BST1: variants seen among roughly 807,000 people sequenced by gnomAD.
BST1 encodes ADP-ribosyl cyclase/cyclic ADP-ribose hydrolase 2.
In BST1, 49 loss-of-function variants were observed where a neutral mutation model predicts 40.6. The observed-to-expected ratio is 1.21, with a 90% confidence interval of 0.96 to 1.53. BST1 has a LOEUF of 1.53. Among genes scored for constraint, BST1 ranks in the 40% most tolerant of loss-of-function variants. The probability of loss-of-function intolerance (pLI) is 0.00; values close to 1 mark genes in which losing one functional copy is unlikely to be tolerated. For missense variants in BST1, 423 were observed against 395.9 expected (o/e 1.07, Z -0.58); for synonymous variants, 157 against 159.3 (o/e 0.99, Z 0.11).
the BST1 span, among the ~76,000 whole-genome samples, chr4:15,748,176 T>C: frequency 3.3e-5 from 5 of 152,262 alleles, no homozygotes; most frequent in Non-Finnish European, 7.3e-5. Context: ...ACCATTCTCA[T>C]GCGTGCTTTC....
intron 8 of BST1, chr4:15,731,114 C>T (rs1161375118): frequency 4.7e-6 from 2 of 428,446 alleles, no homozygotes; most frequent in Admixed American, 2.9e-5. Context: ...GTCCTTTTCA[C>T]GTGGCCAACA....
At position 15,718,916 on chromosome 4, in the gene BST1, C is replaced by G. The variant is rs146288579; in HGVS notation, c.714C>G (p.Cys238Trp). The G allele has an allele frequency of 2.5e-6, 4 of 1,613,494 alleles. No homozygotes were observed. The highest frequency in any genetic ancestry group is 2.5e-6 in the Non-Finnish European group (3 of 1,179,684). Residue 238 changes from cysteine (C) to tryptophan (W), a missense_variant, in exon 7 of 9, where the codon TGC becomes TGG. Physicochemically the swap from Cys to Trp is radical, Grantham distance 215. Coordinates refer to ENST00000265016, the MANE Select transcript of BST1 (RefSeq NM_004334.3). ...HEIGGPNVES[C>W]GEGSMKVLEK... The stretch of plus-strand genomic sequence containing the variant: ...TATTTTCATGTTTTAGGGAATCCTG[C>G]GGGGAAGGCAGCATGAAAGTCCTGG...
the BST1 span, among the ~76,000 whole-genome samples, chr4:15,750,388 C>T: frequency 6.6e-6 from 1 of 152,184 alleles, no homozygotes; most frequent in Non-Finnish European, 1.5e-5. Flanking sequence ...CTGGGCCTGG[C>T]TTATTTCACT....
intron 2 of BST1, among the ~76,000 whole-genome samples, chr4:15,707,103 G>A (rs1281517011): frequency 6.6e-6 from 1 of 152,218 alleles, no homozygotes; most frequent in Non-Finnish European, 1.5e-5. Flanking sequence ...AGCTCTGGAA[G>A]AAGAGAAAGG....
downstream of BST1, among the ~76,000 whole-genome samples, chr4:15,742,539 T>A (rs1721771328): frequency 6.6e-6 from 1 of 152,248 alleles, no homozygotes; most frequent in Non-Finnish European, 1.5e-5. Context: ...CTTTTCTTTA[T>A]AAACTGCTCA....
downstream of BST1, among the ~76,000 whole-genome samples, chr4:15,739,949 CAGAG>C (rs925370044): frequency 6.6e-6 from 1 of 151,018 alleles, no homozygotes; most frequent in African/African-American, 2.4e-5. Flanking sequence ...GACAGAGAAA[CAGAG>C]AGAGACAGAG....
intron 1 of BST1, among the ~76,000 whole-genome samples, chr4:15,703,635 T>A (rs867938376): frequency 9.2e-6 from 1 of 109,168 alleles, no homozygotes. Flanking sequence ...GTGAGGGGGG[T>A]GTGTGTGTGC....
intron 8 of BST1, among the ~76,000 whole-genome samples, chr4:15,725,639 A>T (rs942432762): frequency 6.6e-6 from 1 of 152,152 alleles, no homozygotes; most frequent in African/African-American, 2.4e-5. Flanking sequence ...CTCATCTGGA[A>T]TGTTTATTTC....
the BST1 span, among the ~76,000 whole-genome samples, chr4:15,763,254 T>C: frequency 5.3e-5 from 8 of 151,880 alleles, no homozygotes; most frequent in African/African-American, 1.5e-4. Flanking sequence ...TATTTATCCA[T>C]GTATGTATAC....
the BST1 span, among the ~76,000 whole-genome samples, chr4:15,769,709 AT>A: frequency 1.3e-5 from 2 of 152,088 alleles, no homozygotes; most frequent in East Asian, 1.9e-4. Flanking sequence ...ATCAAATAAT[AT>A]TTTTTAATCA....
chr4:15,753,846 C>T, the BST1 span, among the ~76,000 whole-genome samples: 2,483 of 152,250 alleles, frequency 0.016, 79 homozygotes, highest in African/African-American at 0.057. Flanking sequence ...AGTGAGGCAA[C>T]AGGGAGGTCA....
chr4:15,708,077 C>T (rs1719995908), intron 3 of BST1, among the ~76,000 whole-genome samples: 2 of 152,084 alleles, frequency 1.3e-5, no homozygotes, highest in South Asian at 4.2e-4. Flanking sequence ...GACTCCAGAG[C>T]CCATTTTCTC....
At chr4:15,720,695 G>A in intron 7 of BST1, among the ~76,000 whole-genome samples, 1 of 152,100 alleles carries the variant, frequency 6.6e-6, no homozygotes, top group Non-Finnish European at 1.5e-5. Flanking sequence ...GGAGGCTGAG[G>A]TGGGAGGATT....
chr4:15,763,404 T>A, the BST1 span, among the ~76,000 whole-genome samples: 1 of 151,790 alleles, frequency 6.6e-6, no homozygotes, highest in African/African-American at 2.4e-5. Context: ...TTAATGCCAT[T>A]TATTTCTGAA....
chr4:15,703,210 G>C lies in BST1; in HGVS notation c.66G>C (p.Leu22=), dbSNP rs1163609828. Residue 22 remains leucine, a synonymous_variant, in exon 1 of 9, where the codon CTG becomes CTC. Coordinates refer to ENST00000265016, the MANE Select transcript of BST1 (RefSeq NM_004334.3). The part of the protein sequence containing the change: ...LQLLLQLLLL[L]LLLAAGGARA... ...TGCTGCTGCAGCTTCTGCTTCTACT[G>C]TTGCTGCTGGCGGCGGGCGGGGCGC... 2 of 1,552,500 alleles carry C rather than the reference G, an allele frequency of 1.3e-6. No individual in the cohort carries two copies. The highest frequency in any genetic ancestry group is 2.7e-5 in the African/African-American group (2 of 73,234).
chr4:15,731,867 C>G lies in BST1; in HGVS notation c.*22C>G. 1.2e-6 allele frequency: 2 copies of G among 1,605,044 alleles called. No individual in the cohort carries two copies. The highest frequency in any genetic ancestry group is 1.7e-6 in the Non-Finnish European group (2 of 1,175,380). ...GTAACTGGAAACTGTGTTGCTCTAA[C>G]CCTCCTCCAGCCCTGCAGCCTCCCC... On this transcript the variant is annotated 3_prime_UTR_variant, in exon 9 of 9. Coordinates refer to ENST00000265016, the MANE Select transcript of BST1 (RefSeq NM_004334.3).
chr4:15,745,677 A>AGT, the BST1 span, among the ~76,000 whole-genome samples: 3 of 152,240 alleles, frequency 2.0e-5, no homozygotes, highest in East Asian at 5.8e-4. Flanking sequence ...ATCCAGAGAA[A>AGT]CCTTCCATGG....
At chr4:15,754,872 T>A in the BST1 span, among the ~76,000 whole-genome samples, 27 of 152,208 alleles carry the variant, frequency 1.8e-4, no homozygotes, top group Admixed American at 1.8e-3. Context: ...TTCATGTAGA[T>A]CTGTCTAGGG....
At chr4:15,750,082 C>T in the BST1 span, among the ~76,000 whole-genome samples, 6 of 151,922 alleles carry the variant, frequency 3.9e-5, no homozygotes, top group South Asian at 4.2e-4. Flanking sequence ...TTTTTGGAGA[C>T]GGAGTTTTGC....
Sources: allele counts gnomAD v4.1 joint callset (sites outside exome capture counted in the v4.1 genomes callset), GRCh38; gene constraint gnomAD v4.1.1; transcripts MANE v1.5; gene names NCBI Gene and HGNC (gene_info 2026-07-23, HGNC 2026-07-21).